Variants in ELMOD1 observed in about 807,000 individuals in gnomAD.
ELMOD1 encodes the protein ELMO domain containing 1, also known as ELMO domain-containing protein 1.
In ELMOD1, 21 loss-of-function variants were observed where a neutral mutation model predicts 46.7. The observed-to-expected ratio is 0.45, with a 90% CI of 0.32 to 0.65. ELMOD1 has a LOEUF of 0.65. ELMOD1 is among the 30% of genes least tolerant of loss of function. The pLI is 0.04. For missense variants in ELMOD1, 348 were observed against 407.8 expected (o/e 0.85, Z 1.26); for synonymous variants, 122 against 138.2 (o/e 0.88, Z 0.82).
intron 11 of ELMOD1, among the ~76,000 whole-genome samples, chr11:107,657,535 C>T (rs1866656421): frequency 6.6e-6 from 1 of 152,100 alleles, no homozygotes; most frequent in Admixed American, 6.6e-5. Context: ...CTCAATCAAT[C>T]AATCAGTCAA....
Position 107,665,011 on chromosome 11 carries a change from A to G in ELMOD1, c.833-14A>G, listed in dbSNP as rs766565036. 5.0e-6 allele frequency: 8 copies of G among 1,602,860 alleles called. No homozygotes were observed. In the Admixed American group the frequency reaches 1.4e-4, roughly 28 times the overall value. On this transcript the variant is annotated splice_polypyrimidine_tract_variant and intron_variant, in intron 11 of 11. Transcript: ENST00000265840. ...TTTTCTCCTGCATTCTTATCATTGT[A>G]TTGTCTCCAACAGGCTATTTGATGC...
At chr11:107,592,652 A>T in intron 1 of ELMOD1, 1 of 255,588 alleles carries the variant, frequency 3.9e-6, no homozygotes, top group Non-Finnish European at 8.0e-6. Flanking sequence ...TTGTATCTAC[A>T]TTGGGAGGTA....
Position 107,636,532 on chromosome 11 carries a change from G to A in ELMOD1, c.420+767G>A, listed in dbSNP as rs117758248. On this transcript the variant is annotated intron_variant, in intron 6 of 11. Coordinates refer to ENST00000265840, the MANE Select transcript of ELMOD1 (RefSeq NM_018712.4). The stretch of plus-strand genomic sequence containing the variant: ...TTAGAGTGCTTTAGGGTATCTCCCT[G>A]CCTTTTCCTAGAATTCATAAAGGCA... 1.5e-3 allele frequency among the ~76,000 whole-genome samples: 222 copies of A among 152,290 alleles called. 6 individuals are homozygous for A. In the East Asian group the frequency reaches 0.032, roughly 22 times the overall value.
chr11:107,601,694 G>T (rs1271281852), intron 1 of ELMOD1, among the ~76,000 whole-genome samples: 1 of 151,764 alleles, frequency 6.6e-6, no homozygotes, highest in East Asian at 1.9e-4. Context: ...GGGATTACAG[G>T]TGTGAGCCAT....
At chr11:107,621,183 G>C (rs930673629) in intron 2 of ELMOD1, among the ~76,000 whole-genome samples, 4 of 152,132 alleles carry the variant, frequency 2.6e-5, no homozygotes, top group Admixed American at 1.3e-4. Flanking sequence ...GTAAATCATT[G>C]CTTCCAACTG....
At position 107,644,162 on chromosome 11, in the gene ELMOD1, G is replaced by A. The variant is rs1866376063; in HGVS notation, c.421-3306G>A. Reference sequence around the variant, plus strand: ...AATACGAAAATGAGCTGGGCATGGTGGTACACACCTGTAGTCCCAGCTACT... The same window carrying A: ...AATACGAAAATGAGCTGGGCATGGTAGTACACACCTGTAGTCCCAGCTACT... On this transcript the variant is annotated intron_variant, in intron 6 of 11. Coordinates refer to ENST00000265840, the MANE Select transcript of ELMOD1 (RefSeq NM_018712.4). Among the ~76,000 whole-genome samples, 2 of 151,950 alleles carry A rather than the reference G, an allele frequency of 1.3e-5. 1 individual carries two copies. Among genetic ancestry groups the A allele is most frequent in the South Asian group, 4.2e-4 (2 of 4,810 alleles).
chr11:107,608,042 A>G (rs1003590487), intron 1 of ELMOD1, among the ~76,000 whole-genome samples: 10 of 146,980 alleles, frequency 6.8e-5, no homozygotes, highest in African/African-American at 2.7e-4. Flanking sequence ...AAGAAAAAAA[A>G]AAGAAAAAAA....
chr11:107,653,594 T>TC (rs544712921), intron 9 of ELMOD1: 27 of 147,916 alleles, frequency 1.8e-4, no homozygotes, highest in African/African-American at 4.9e-4. Context: ...ATTCCTTGCT[T>TC]CCCCCCCTCC....
chr11:107,615,508 C>T (rs1430464669), intron 1 of ELMOD1, among the ~76,000 whole-genome samples: 1 of 152,154 alleles, frequency 6.6e-6, no homozygotes, highest in Non-Finnish European at 1.5e-5. Flanking sequence ...GCTGGGATTA[C>T]AGGCGTGAGC....
chr11:107,648,284 A>C (rs1866468069), intron 7 of ELMOD1, among the ~76,000 whole-genome samples: 1 of 152,118 alleles, frequency 6.6e-6, no homozygotes, highest in Non-Finnish European at 1.5e-5. Context: ...CCCCTCCTCC[A>C]TGTCATTACC....
intron 1 of ELMOD1, among the ~76,000 whole-genome samples, chr11:107,615,106 A>G (rs1425860488): frequency 6.6e-6 from 1 of 151,998 alleles, no homozygotes; most frequent in East Asian, 1.9e-4. Context: ...GTGCCTCACT[A>G]TGTCTAGAGC....
In ELMOD1 at chr11:107,611,517, G is replaced by A. The variant is rs533781813; in HGVS notation, c.-85-6588G>A. On this transcript the variant is annotated intron_variant, in intron 1 of 11. Transcript: ENST00000265840. Reference sequence around the variant, plus strand: ...AGATCGAGACCATCCTGGCTAACACGGTGAAACCTCATCTCTACTAAAAAT... The same window carrying A: ...AGATCGAGACCATCCTGGCTAACACAGTGAAACCTCATCTCTACTAAAAAT... 4.6e-5 allele frequency among the ~76,000 whole-genome samples: 7 copies of A among 152,018 alleles called. 1 individual carries two copies. Among genetic ancestry groups the A allele is most frequent in the African/African-American group, 1.4e-4 (6 of 41,464 alleles).
chr11:107,619,310 T>G (rs1476779176), intron 2 of ELMOD1, among the ~76,000 whole-genome samples: 2 of 152,238 alleles, frequency 1.3e-5, no homozygotes, highest in Non-Finnish European at 2.9e-5. Flanking sequence ...TTATCTTAGC[T>G]GTGTAAAAAT....
At chr11:107,644,632 G>A (rs1866387251) in intron 6 of ELMOD1, among the ~76,000 whole-genome samples, 1 of 151,644 alleles carries the variant, frequency 6.6e-6, no homozygotes, top group Admixed American at 6.6e-5. Context: ...CTGCCACCAC[G>A]CCCGGCTTAT....
intron 4 of ELMOD1, 148 bp downstream of exon 4, chr11:107,630,876 C>T (rs1866124440): frequency 1.2e-6 from 1 of 804,384 alleles, no homozygotes; most frequent in African/African-American, 1.7e-5. Flanking sequence ...CCATTACAAA[C>T]CACTGTACTA....
intron 6 of ELMOD1, among the ~76,000 whole-genome samples, chr11:107,637,061 A>G (rs1866241800): frequency 6.6e-6 from 1 of 152,240 alleles, no homozygotes; most frequent in Non-Finnish European, 1.5e-5. Context: ...ATGTGCTGGC[A>G]CATAATGGGT....
intron 1 of ELMOD1, among the ~76,000 whole-genome samples, chr11:107,607,127 C>T (rs1164732240): frequency 1.3e-5 from 2 of 152,136 alleles, no homozygotes; most frequent in African/African-American, 4.8e-5. Flanking sequence ...AAAAGAGAAG[C>T]CTGTATCTGT....
intron 2 of ELMOD1, among the ~76,000 whole-genome samples, chr11:107,619,256 C>A (rs1002873050): frequency 1.3e-5 from 2 of 152,158 alleles, no homozygotes; most frequent in Non-Finnish European, 2.9e-5. Context: ...TACTGTGAAA[C>A]AATTTATAGT....
At chr11:107,591,948 C>T (rs755344875) in intron 1 of ELMOD1, 1 of 518,164 alleles carries the variant, frequency 1.9e-6, no homozygotes, top group South Asian at 1.5e-5. Context: ...TGCGCCTCCT[C>T]CAACTGCTGG....
Sources: allele counts gnomAD v4.1 joint callset (sites outside exome capture counted in the v4.1 genomes callset), GRCh38; gene constraint gnomAD v4.1.1; transcripts MANE v1.5; gene names NCBI Gene and HGNC (gene_info 2026-07-23, HGNC 2026-07-21).